The following ZNF365 variants were observed in gnomAD, a reference collection of about 807,000 sequenced individuals.
The protein encoded by ZNF365 is zinc finger protein 365.
ZNF365 carries 22 observed loss-of-function variants against 35.0 expected under a neutral mutation model. The observed-to-expected ratio is 0.63, with a 90% CI of 0.45 to 0.90. The LOEUF (loss-of-function observed/expected upper bound fraction) is 0.90, where lower values mean the gene tolerates loss of function less well. ZNF365 is among the 40% of genes least tolerant of loss of function. The probability of loss-of-function intolerance (pLI) is 0.00; values close to 1 mark genes in which losing one functional copy is unlikely to be tolerated. For synonymous variants in ZNF365, 188 were observed against 196.2 expected, an observed-to-expected ratio of 0.96 and a Z score of 0.35; for missense variants, 448 against 500.3, an observed-to-expected ratio of 0.90 and a Z score of 1.00.
intron 3 of ZNF365, 28 bp downstream of exon 3, chr10:62,388,604 T>C (rs1839566406): frequency 1.2e-6 from 2 of 1,611,170 alleles, no homozygotes; most frequent in African/African-American, 2.7e-5. Flanking sequence ...AGCCACCGAG[T>C]GTAAGATCCC....
chr10:62,433,466 A>G lies in ZNF365; in HGVS notation c.925-26275A>G, dbSNP rs557211887. Among the ~76,000 whole-genome samples the G allele has an allele frequency of 2.6e-5, 4 of 152,272 alleles. No individual in the cohort carries two copies. The South Asian group carries it at 8.3e-4, about 32-fold the overall frequency. The stretch of plus-strand genomic sequence containing the variant: ...ATGTCCTTCTTAGGAAAACCACACA[A>G]ATTGCTCATGCACAGATGGACTGCA... On this transcript the variant is annotated intron_variant, in intron 3 of 4. Coordinates refer to the ZNF365 transcript ENST00000395255.
intron 4 of ZNF365, among the ~76,000 whole-genome samples, chr10:62,399,158 G>T (rs896671396): frequency 5.9e-5 from 9 of 152,174 alleles, no homozygotes; most frequent in African/African-American, 1.7e-4. Flanking sequence ...CATCTATGCA[G>T]TGAATTTGTC....
At chr10:62,395,363 G>A (rs950929834) in intron 3 of ZNF365, among the ~76,000 whole-genome samples, 7 of 142,260 alleles carry the variant, frequency 4.9e-5, no homozygotes, top group East Asian at 2.0e-4. Context: ...TTTTTTTTTC[G>A]AGGCGCTCTT....
chr10:62,384,863 A>G (rs911846366), intron 2 of ZNF365, among the ~76,000 whole-genome samples: 11 of 152,214 alleles, frequency 7.2e-5, no homozygotes, highest in African/African-American at 2.4e-4. Context: ...TGTAATTATG[A>G]AAGAGGTTAC....
chr10:62,463,598 AG>A (rs1206356562), intron 4 of ZNF365, among the ~76,000 whole-genome samples: 16 of 152,270 alleles, frequency 1.1e-4, no homozygotes, highest in African/African-American at 3.9e-4. Flanking sequence ...TAATCAATGC[AG>A]TGCCTTTAGA....
chr10:62,443,485 C>T (rs1373931046), intron 3 of ZNF365, among the ~76,000 whole-genome samples: 6 of 152,104 alleles, frequency 3.9e-5, no homozygotes, highest in Admixed American at 2.0e-4. Context: ...TTCCCTGGTT[C>T]GGAGCAGTTA....
downstream of ZNF365, among the ~76,000 whole-genome samples, chr10:62,407,075 G>A (rs973740147): frequency 3.9e-5 from 6 of 152,182 alleles, no homozygotes; most frequent in East Asian, 5.8e-4. Flanking sequence ...GCTTCTAAGG[G>A]TCCTTCCAGC....
chr10:62,434,379 CA>C (rs1434109522), intron 3 of ZNF365, among the ~76,000 whole-genome samples: 1 of 152,040 alleles, frequency 6.6e-6, no homozygotes, highest in Non-Finnish European at 1.5e-5. Flanking sequence ...GCAACTTTAT[CA>C]CAATGCTTAC....
Position 62,376,651 on chromosome 10 carries a change from C to T in ZNF365, c.458C>T (p.Thr153Ile). 1.2e-6 allele frequency: 2 copies of T among 1,614,152 alleles called. No homozygotes were observed. The highest frequency in any genetic ancestry group is 1.1e-5 in the South Asian group (1 of 91,086). ...RSGPGLPTSD[T>I]KASFEAHVRE... ...GGTCCTGGACTGCCCACCTCAGACACCAAAGCTTCTTTCGAGGCACATGTC... is the reference window on the plus strand; with the variant it reads ...GGTCCTGGACTGCCCACCTCAGACATCAAAGCTTCTTTCGAGGCACATGTC... Residue 153 changes from threonine to isoleucine, a missense_variant, in exon 2 of 5, where the codon ACC (threonine) becomes ATC (isoleucine). Physicochemically the swap from Thr to Ile is moderately conservative, Grantham distance 89 (BLOSUM62 -1). Coordinates refer to ENST00000395254, the MANE Select transcript of ZNF365 (RefSeq NM_014951.3).
intron 1 of ZNF365, among the ~76,000 whole-genome samples, chr10:62,375,029 G>C (rs112195513): frequency 0.016 from 2,415 of 152,234 alleles, 53 homozygotes; most frequent in African/African-American, 0.055. Flanking sequence ...CGCTGCCTGG[G>C]GACCATTTGC....
intron 3 of ZNF365, among the ~76,000 whole-genome samples, chr10:62,440,779 A>C (rs1200795879): frequency 6.6e-6 from 1 of 152,214 alleles, no homozygotes; most frequent in Non-Finnish European, 1.5e-5. Flanking sequence ...AATGTCTGAA[A>C]GTACACCCAG....
chr10:62,385,976 A>T (rs1839519243), intron 2 of ZNF365, among the ~76,000 whole-genome samples: 1 of 152,080 alleles, frequency 6.6e-6, no homozygotes, highest in Non-Finnish European at 1.5e-5. Context: ...GTTATCCTAA[A>T]TATCTCCCAG....
intron 3 of ZNF365, among the ~76,000 whole-genome samples, chr10:62,435,695 A>T (rs1021180131): frequency 6.6e-6 from 1 of 152,196 alleles, no homozygotes; most frequent in African/African-American, 2.4e-5. Context: ...TCTTTTAGCT[A>T]CCATGCATAT....
intron 4 of ZNF365, among the ~76,000 whole-genome samples, chr10:62,478,826 G>A (rs972011189): frequency 5.3e-5 from 8 of 152,088 alleles, no homozygotes; most frequent in African/African-American, 1.2e-4. Flanking sequence ...TGCCTGCCTC[G>A]GCCTCCCAAA....
chr10:62,420,386 C>T (rs1840147876), intron 3 of ZNF365, among the ~76,000 whole-genome samples: 1 of 152,192 alleles, frequency 6.6e-6, no homozygotes, highest in African/African-American at 2.4e-5. Context: ...GGAGCTTCCA[C>T]CATCTTTGTA....
At chr10:62,476,772 C>T (rs760484548) in intron 4 of ZNF365, among the ~76,000 whole-genome samples, 11 of 152,304 alleles carry the variant, frequency 7.2e-5, no homozygotes, top group Admixed American at 1.3e-4. Context: ...CAGCCTTATT[C>T]TATGTCATGA....
At chr10:62,420,071 TTTATTTTA>T (rs1270724884) in intron 3 of ZNF365, among the ~76,000 whole-genome samples, 1 of 152,198 alleles carries the variant, frequency 6.6e-6, no homozygotes, top group Non-Finnish European at 1.5e-5. Flanking sequence ...GTTATGTTAA[TTTATTTTA>T]TAACATTAAA....
At chr10:62,434,414 C>T (rs887454817) in intron 3 of ZNF365, among the ~76,000 whole-genome samples, 9 of 152,110 alleles carry the variant, frequency 5.9e-5, no homozygotes, top group African/African-American at 2.2e-4. Context: ...TATACTTAAC[C>T]TCAGGTGCTC....
chr10:62,415,807 A>C (rs1825209448), intron 3 of ZNF365, among the ~76,000 whole-genome samples: 1 of 152,144 alleles, frequency 6.6e-6, no homozygotes, highest in South Asian at 2.1e-4. Flanking sequence ...GCAGTCTGGG[A>C]AAGTCTTAAA....
Sources: gnomAD v4.1 joint callset for allele counts (sites outside exome capture counted in the v4.1 genomes callset) on GRCh38, gnomAD v4.1.1 for gene constraint, MANE v1.5 for transcripts, NCBI Gene and HGNC (gene_info 2026-07-23, HGNC 2026-07-21) for gene names.